ELAVL2: variants seen among roughly 807,000 people sequenced by gnomAD.
The protein encoded by ELAVL2 is ELAV-like protein 2.
In ELAVL2, 4 loss-of-function variants were observed where a neutral mutation model predicts 34.6. That is an observed-to-expected ratio of 0.12 (90% CI 0.06 to 0.26). The LOEUF is 0.26. ELAVL2 is among the 10% of genes least tolerant of loss of function. The pLI is 1.00. For synonymous variants in ELAVL2, 193 were observed against 154.8 expected, an observed-to-expected ratio of 1.25 and a Z score of -1.83; for missense variants, 432 against 442.8, an observed-to-expected ratio of 0.98 and a Z score of 0.22.
At chr9:23,769,616 T>C (rs2056941643) in intron 1 of ELAVL2, among the ~76,000 whole-genome samples, 1 of 152,184 alleles carries the variant, frequency 6.6e-6, no homozygotes, top group Non-Finnish European at 1.5e-5. Context: ...CTAGAATCCT[T>C]GTCAATTCTC....
intron 2 of ELAVL2, among the ~76,000 whole-genome samples, chr9:23,749,858 T>A (rs117253927): frequency 6.6e-6 from 1 of 151,948 alleles, no homozygotes; most frequent in Non-Finnish European, 1.5e-5. Flanking sequence ...TCTTTCATTA[T>A]AATCTATAGA....
intron 1 of ELAVL2, among the ~76,000 whole-genome samples, chr9:23,784,870 G>C (rs1261342072): frequency 1.3e-5 from 2 of 152,196 alleles, no homozygotes; most frequent in Non-Finnish European, 2.9e-5. Context: ...AAAATAAGTA[G>C]ACTTGGGCCT....
Position 23,825,560 on chromosome 9 carries a change from TC to T in ELAVL2, c.-16+245del, listed in dbSNP as rs530031254. The stretch of plus-strand genomic sequence containing the variant: ...ATCTAACCTCCCATTGTACCCCTAC[TC>T]CCCCCTGGCCACATTTACCACTTAA... On this transcript the variant is annotated intron_variant, in intron 1 of 6. Coordinates refer to ENST00000397312, the MANE Select transcript of ELAVL2 (RefSeq NM_004432.5). Among the ~76,000 whole-genome samples the T allele has an allele frequency of 7.2e-5, 11 of 152,152 alleles. 1 individual carries two copies. The South Asian group carries it at 1.7e-3, about 23-fold the overall frequency.
At chr9:23,704,536 C>G (rs1336123481) in intron 4 of ELAVL2, among the ~76,000 whole-genome samples, 1 of 152,092 alleles carries the variant, frequency 6.6e-6, no homozygotes, top group Non-Finnish European at 1.5e-5. Context: ...CCTTGGAGAA[C>G]TAGCTGCATA....
At chr9:23,761,837 TA>T (rs1346020850) in intron 2 of ELAVL2, among the ~76,000 whole-genome samples, 168 bp downstream of exon 2, 1 of 152,076 alleles carries the variant, frequency 6.6e-6, no homozygotes, top group African/African-American at 2.4e-5. Flanking sequence ...GTTTATGATT[TA>T]AAAAGAAAAT....
intron 1 of ELAVL2, among the ~76,000 whole-genome samples, chr9:23,776,739 C>CA (rs34583759): frequency 0.3 from 22,899 of 77,222 alleles, 2,723 homozygotes; most frequent in South Asian, 0.37. Context: ...AGTTTGCTAT[C>CA]AAAAAAAAAA....
intron 2 of ELAVL2, among the ~76,000 whole-genome samples, chr9:23,759,738 T>A (rs1160888324): frequency 8.2e-6 from 1 of 121,394 alleles, no homozygotes; most frequent in Non-Finnish European, 1.7e-5. Context: ...TATATGTGTA[T>A]ACATCATATA....
chr9:23,766,804 C>T (rs777464070), intron 1 of ELAVL2, among the ~76,000 whole-genome samples: 1 of 152,128 alleles, frequency 6.6e-6, no homozygotes, highest in East Asian at 1.9e-4. Flanking sequence ...TTCCCCTTCA[C>T]TTAAGGACAG....
At chr9:23,749,522 C>T (rs1301943048) in intron 2 of ELAVL2, among the ~76,000 whole-genome samples, 5 of 137,238 alleles carry the variant, frequency 3.6e-5, no homozygotes, top group African/African-American at 1.1e-4. Context: ...TTCCCACCTT[C>T]GTATAAACAG....
At chr9:23,788,175 C>T (rs143599054) in intron 1 of ELAVL2, among the ~76,000 whole-genome samples, 1 of 152,090 alleles carries the variant, frequency 6.6e-6, no homozygotes, top group Non-Finnish European at 1.5e-5. Context: ...AGTTGACTAA[C>T]CTAAAGCCAA....
chr9:23,745,922 A>G (rs889039779), intron 2 of ELAVL2, among the ~76,000 whole-genome samples: 1 of 152,204 alleles, frequency 6.6e-6, no homozygotes, highest in African/African-American at 2.4e-5. Context: ...TGCTACTGCT[A>G]GTAGTCATCT....
intron 1 of ELAVL2, among the ~76,000 whole-genome samples, chr9:23,823,511 A>G (rs188073841): frequency 3.3e-4 from 50 of 152,348 alleles, no homozygotes; most frequent in Admixed American, 1.4e-3. Context: ...GCACTTGGTT[A>G]AAAGAGGGAA....
At chr9:23,797,146 G>A (rs1361619717) in intron 1 of ELAVL2, among the ~76,000 whole-genome samples, 3 of 152,134 alleles carry the variant, frequency 2.0e-5, no homozygotes, top group African/African-American at 4.8e-5. Context: ...AACAGGATTT[G>A]AAGAGTTTAA....
chr9:23,799,615 T>C (rs1450186095), intron 1 of ELAVL2, among the ~76,000 whole-genome samples: 1 of 152,280 alleles, frequency 6.6e-6, no homozygotes, highest in East Asian at 1.9e-4. Context: ...TGATGCTCAA[T>C]AGTAACTCTT....
intron 1 of ELAVL2, among the ~76,000 whole-genome samples, chr9:23,808,272 T>C (rs1460930275): frequency 6.6e-6 from 1 of 152,198 alleles, no homozygotes; most frequent in Non-Finnish European, 1.5e-5. Context: ...ATCACAATTA[T>C]ATGTAATAAT....
At chr9:23,777,630 A>G (rs2136604508) in intron 1 of ELAVL2, among the ~76,000 whole-genome samples, 1 of 151,866 alleles carries the variant, frequency 6.6e-6, no homozygotes, top group Admixed American at 6.6e-5. Flanking sequence ...AAAAGTGGGA[A>G]ACGGGGGGTA....
chr9:23,721,908 T>TA (rs1281404132), intron 3 of ELAVL2, among the ~76,000 whole-genome samples: 1 of 152,232 alleles, frequency 6.6e-6, no homozygotes, highest in Non-Finnish European at 1.5e-5. Context: ...GTAAGGCTTC[T>TA]AGTCAACAGT....
At chr9:23,696,149 C>A (rs1310671373) in intron 5 of ELAVL2, among the ~76,000 whole-genome samples, 1 of 152,156 alleles carries the variant, frequency 6.6e-6, no homozygotes. Context: ...TCCTCCATCA[C>A]CAACGAGTGT....
chr9:23,707,278 T>C (rs781678605), intron 3 of ELAVL2, among the ~76,000 whole-genome samples: 5 of 152,244 alleles, frequency 3.3e-5, no homozygotes, highest in Non-Finnish European at 7.3e-5. Context: ...TTCAGTAATA[T>C]GAATCAATGA....
Sources: gnomAD v4.1 joint callset for allele counts (sites outside exome capture counted in the v4.1 genomes callset) on GRCh38, gnomAD v4.1.1 for gene constraint, MANE v1.5 for transcripts, NCBI Gene and HGNC (gene_info 2026-07-23, HGNC 2026-07-21) for gene names.